SGPL1: variants seen among roughly 807,000 people sequenced by gnomAD.
SGPL1 encodes the protein sphingosine-1-phosphate lyase 1.
SGPL1 carries 37 observed loss-of-function variants against 68.9 expected under a neutral mutation model. The observed-to-expected ratio is 0.54, with a 90% CI of 0.41 to 0.71. SGPL1 has a LOEUF of 0.71. SGPL1 is among the 30% of genes least tolerant of loss of function. The pLI is 0.00. For synonymous variants in SGPL1, 236 were observed against 248.5 expected (o/e 0.95, Z 0.47); for missense variants, 551 against 704.6 (o/e 0.78, Z 2.47).
In SGPL1 at chr10:70,823,402, T is replaced by C. The variant is rs552937639; in HGVS notation, c.27+6522T>C. ...ATAATTATATTCAAAGCTTTATGTA[T>C]TTTTGTTTATAATTACACAGTAATT... On this transcript the variant is annotated intron_variant, in intron 2 of 14. Coordinates refer to ENST00000373202, the MANE Select transcript of SGPL1 (RefSeq NM_003901.4). 2.4e-3 allele frequency among the ~76,000 whole-genome samples: 368 copies of C among 152,008 alleles called. 1 individual carries two copies. Among genetic ancestry groups the C allele is most frequent in the African/African-American group, 8.2e-3 (338 of 41,466 alleles).
intron 3 of SGPL1, among the ~76,000 whole-genome samples, chr10:70,849,420 A>G (rs185949484): frequency 1.3e-5 from 2 of 152,198 alleles, no homozygotes; most frequent in Admixed American, 6.5e-5. Flanking sequence ...AATCTCAGGT[A>G]TGTATTACAG....
chr10:70,875,386 AT>A lies in SGPL1; in HGVS notation c.1299-9del, dbSNP rs3998628. 5 of 1,566,638 alleles carry A rather than the reference AT, an allele frequency of 3.2e-6. No homozygotes were observed. Among genetic ancestry groups the A allele is most frequent in the Non-Finnish European group, 4.4e-6 (5 of 1,138,596 alleles). ...GAATTTACTTTTTCTTCCTTCATTTATTTTTTTGTTTTAAGACTGGAAAATA... is the reference window on the plus strand; with the variant it reads ...GAATTTACTTTTTCTTCCTTCATTTATTTTTTGTTTTAAGACTGGAAAATA... On this transcript the variant is annotated splice_polypyrimidine_tract_variant and intron_variant, in intron 12 of 14. Transcript: ENST00000373202.
intron 3 of SGPL1, among the ~76,000 whole-genome samples, chr10:70,845,445 C>T (rs1845776749): frequency 6.6e-6 from 1 of 152,118 alleles, no homozygotes; most frequent in African/African-American, 2.4e-5. Context: ...TCTCTCTCCT[C>T]TTGGAGTTGA....
At chr10:70,858,595 T>C (rs915701067) in intron 6 of SGPL1, among the ~76,000 whole-genome samples, 1 of 152,266 alleles carries the variant, frequency 6.6e-6, no homozygotes, top group Non-Finnish European at 1.5e-5. Context: ...TCTGATCTTC[T>C]GTGCTTAAAA....
At chr10:70,846,360 A>G (rs1380083997) in intron 3 of SGPL1, among the ~76,000 whole-genome samples, 1 of 128,426 alleles carries the variant, frequency 7.8e-6, no homozygotes, top group Non-Finnish European at 1.6e-5. Flanking sequence ...CAAGAAATAT[A>G]CTTTCTTTTT....
Position 70,837,921 on chromosome 10 carries a change from C to T in SGPL1, c.28-6552C>T, listed in dbSNP as rs113263274. On this transcript the variant is annotated intron_variant, in intron 2 of 14. Coordinates refer to ENST00000373202, the MANE Select transcript of SGPL1 (RefSeq NM_003901.4). ...AACATGTCAGAAGGGCAAGTGAGCA[C>T]GCGAGCTAGAGGGGATGGGCCAAGA... Among the ~76,000 whole-genome samples, 594 of 152,214 alleles carry T rather than the reference C, an allele frequency of 3.9e-3. 3 individuals are homozygous for T. The highest frequency in any genetic ancestry group is 0.014 in the Middle Eastern group (4 of 294).
chr10:70,844,729 G>C (rs1214537884), intron 3 of SGPL1, 91 bp downstream of exon 3: 14 of 1,274,998 alleles, frequency 1.1e-5, no homozygotes, highest in African/African-American at 3.0e-5. Context: ...ATTGCCTTTT[G>C]GTTGTTTTTT....
At chr10:70,847,392 G>C (rs1403392629) in intron 3 of SGPL1, among the ~76,000 whole-genome samples, 1 of 151,950 alleles carries the variant, frequency 6.6e-6, no homozygotes, top group Non-Finnish European at 1.5e-5. Context: ...CAGGTGATCC[G>C]CCCACCTCAA....
rs867237048 is a variant in SGPL1, at chr10:70,861,656, C to A, written c.615+2157C>A. Among the ~76,000 whole-genome samples the A allele has an allele frequency of 3.3e-5, 5 of 152,216 alleles. No homozygotes were observed. The South Asian group carries it at 8.3e-4, about 25-fold the overall frequency. ...GGAGGTGTGGAGGGAGAGGCGTGAG[C>A]CGGAACCAGGGCTGCGCGCAGCGCT... On this transcript the variant is annotated intron_variant, in intron 7 of 14. Transcript: ENST00000373202.
In SGPL1 at chr10:70,854,170, CTT is replaced by C. The variant is rs542755242; in HGVS notation, c.262-521_262-520del. 7.6e-3 allele frequency among the ~76,000 whole-genome samples: 1,050 copies of C among 138,520 alleles called. 17 individuals carry two copies. Among genetic ancestry groups the C allele is most frequent in the African/African-American group, 0.026 (971 of 37,942 alleles). 90.9% of individuals were successfully genotyped at this position (138,520 alleles called of 152,430 possible). ...AGGGTTATGGGGAAATTGGGTGCAA[CTT>C]TTTTTTTTTTTTTTTTGAGACAGAG... On this transcript the variant is annotated intron_variant, in intron 4 of 14. Coordinates refer to ENST00000373202, the MANE Select transcript of SGPL1 (RefSeq NM_003901.4).
At chr10:70,850,790 T>C (rs1845866193) in intron 3 of SGPL1, among the ~76,000 whole-genome samples, 2 of 150,954 alleles carry the variant, frequency 1.3e-5, no homozygotes, top group Admixed American at 1.3e-4. Flanking sequence ...TAGAGTGTGC[T>C]ACTTTTTGTG....
intron 2 of SGPL1, among the ~76,000 whole-genome samples, chr10:70,821,848 TG>T (rs1316775855): frequency 6.6e-6 from 1 of 152,204 alleles, no homozygotes; most frequent in Admixed American, 6.6e-5. Flanking sequence ...ATTTTGCCCA[TG>T]GGTCAAGCCT....
chr10:70,835,775 A>G (rs1845619017), intron 2 of SGPL1, among the ~76,000 whole-genome samples: 1 of 151,780 alleles, frequency 6.6e-6, no homozygotes, highest in Non-Finnish European at 1.5e-5. Flanking sequence ...AAGACATTGT[A>G]CAGGAGAATG....
intron 2 of SGPL1, among the ~76,000 whole-genome samples, chr10:70,836,481 C>T (rs12775612): frequency 0.12 from 18,096 of 152,142 alleles, 1,331 homozygotes; most frequent in Non-Finnish European, 0.17. Flanking sequence ...AGTGATACTG[C>T]ACACTGGTTT....
intron 7 of SGPL1, among the ~76,000 whole-genome samples, chr10:70,862,002 G>A (rs967704077): frequency 6.6e-6 from 1 of 152,172 alleles, no homozygotes; most frequent in Non-Finnish European, 1.5e-5. Context: ...CAGTCCCATC[G>A]ACCACCCAAG....
chr10:70,832,682 T>G (rs1369379146), intron 2 of SGPL1, among the ~76,000 whole-genome samples: 1 of 152,248 alleles, frequency 6.6e-6, no homozygotes, highest in African/African-American at 2.4e-5. Context: ...TGTATACATG[T>G]GCACAGTAAG....
chr10:70,836,807 G>A (rs150392887), intron 2 of SGPL1, among the ~76,000 whole-genome samples: 1 of 152,102 alleles, frequency 6.6e-6, no homozygotes, highest in African/African-American at 2.4e-5. Flanking sequence ...GCTCAGGCTG[G>A]TCTTGAACTC....
At chr10:70,870,399 C>T (rs948154837) in intron 9 of SGPL1, among the ~76,000 whole-genome samples, 2 of 151,520 alleles carry the variant, frequency 1.3e-5, no homozygotes, top group African/African-American at 4.9e-5. Flanking sequence ...CCTAGCTACT[C>T]GGGAGGCTGG....
intron 2 of SGPL1, among the ~76,000 whole-genome samples, chr10:70,823,348 A>G (rs1845375645): frequency 1.4e-5 from 2 of 147,776 alleles, no homozygotes. Flanking sequence ...AGATGCCATC[A>G]TAGTGAACAA....
Sources: gnomAD v4.1 joint callset for allele counts (sites outside exome capture counted in the v4.1 genomes callset) on GRCh38, gnomAD v4.1.1 for gene constraint, MANE v1.5 for transcripts, NCBI Gene and HGNC (gene_info 2026-07-23, HGNC 2026-07-21) for gene names.